The following CACNB4 variants were observed in gnomAD, a reference collection of about 807,000 sequenced individuals.
The protein encoded by CACNB4 is voltage-dependent L-type calcium channel subunit beta-4.
CACNB4 carries 32 observed loss-of-function variants against 71.2 expected under a neutral mutation model. That is an observed-to-expected ratio of 0.45 (90% confidence interval 0.34 to 0.60). CACNB4 has a LOEUF of 0.60. Among genes scored for constraint, CACNB4 ranks in the 20% least tolerant of loss-of-function variants. CACNB4 has a pLI of 0.01. For synonymous variants in CACNB4, 231 were observed against 236.9 expected (o/e 0.97, Z 0.23); for missense variants, 464 against 647.9 (o/e 0.72, Z 3.08).
chr2:151,952,656 C>T (rs1469241644), intron 2 of CACNB4, among the ~76,000 whole-genome samples: 5 of 152,188 alleles, frequency 3.3e-5, no homozygotes, highest in African/African-American at 1.2e-4. Flanking sequence ...TAGTCCAGAA[C>T]TTAATGGGCT....
chr2:152,089,933 G>T (rs1423174037), intron 2 of CACNB4, among the ~76,000 whole-genome samples: 1 of 152,128 alleles, frequency 6.6e-6, no homozygotes, highest in African/African-American at 2.4e-5. Flanking sequence ...GAAAGCAGAG[G>T]CCAAACACAG....
intron 2 of CACNB4, among the ~76,000 whole-genome samples, chr2:152,058,450 C>T (rs562912860): frequency 3.9e-4 from 59 of 152,234 alleles, no homozygotes; most frequent in Non-Finnish European, 7.9e-4. Context: ...GTGATATGGG[C>T]AGTGAAGTAT....
intron 2 of CACNB4, among the ~76,000 whole-genome samples, chr2:152,083,862 C>T (rs1383453527): frequency 6.6e-6 from 1 of 152,160 alleles, no homozygotes; most frequent in African/African-American, 2.4e-5. Context: ...CTCCTCTGTC[C>T]CAAGGATCCC....
At chr2:151,956,149 T>C (rs1041003100) in intron 2 of CACNB4, among the ~76,000 whole-genome samples, 3 of 152,228 alleles carry the variant, frequency 2.0e-5, no homozygotes, top group Admixed American at 1.3e-4. Context: ...GTATCTTCGA[T>C]ATACTTGTAG....
intron 2 of CACNB4, among the ~76,000 whole-genome samples, chr2:151,990,137 C>T (rs1045654337): frequency 2.6e-5 from 4 of 152,242 alleles, no homozygotes; most frequent in Admixed American, 1.3e-4. Context: ...TCCATGACAC[C>T]TCCCTTTCTT....
chr2:151,957,257 C>CGTGTTTGTGTGT (rs3068823), intron 2 of CACNB4, among the ~76,000 whole-genome samples: 1 of 131,788 alleles, frequency 7.6e-6, no homozygotes. Flanking sequence ...AGTGGCTGGG[C>CGTGTTTGTGTGT]GTGTGTGTGT....
intron 2 of CACNB4, among the ~76,000 whole-genome samples, chr2:152,023,022 A>G (rs1031035250): frequency 6.6e-6 from 1 of 152,110 alleles, no homozygotes; most frequent in Non-Finnish European, 1.5e-5. Context: ...ACAGTTCTGC[A>G]AGACTGGGAA....
At chr2:152,040,938 A>T (rs151218716) in intron 2 of CACNB4, among the ~76,000 whole-genome samples, 4 of 152,336 alleles carry the variant, frequency 2.6e-5, no homozygotes, top group South Asian at 4.1e-4. Context: ...CCACATAAAC[A>T]AAATTGCATT....
chr2:151,882,959 G>A, intron 3 of CACNB4: 1 of 403,780 alleles, frequency 2.5e-6, no homozygotes, highest in South Asian at 2.2e-5. Context: ...GCTGGTGCCT[G>A]GGGGGCTGTC....
intron 2 of CACNB4, among the ~76,000 whole-genome samples, chr2:152,009,007 C>G (rs994983741): frequency 6.6e-6 from 1 of 152,028 alleles, no homozygotes; most frequent in Non-Finnish European, 1.5e-5. Context: ...GCGCTTTTAA[C>G]CACCACCATC....
intron 2 of CACNB4, among the ~76,000 whole-genome samples, chr2:151,935,141 T>G (rs2099862604): frequency 6.6e-6 from 1 of 152,222 alleles, no homozygotes; most frequent in Non-Finnish European, 1.5e-5. Flanking sequence ...GAACCATTAG[T>G]ACTTCAAAAT....
intron 9 of CACNB4, 44 bp from the exon 10 acceptor site, chr2:151,860,864 A>T (rs1559881345): frequency 7.9e-7 from 1 of 1,258,134 alleles, no homozygotes. Context: ...TAAAAATGTT[A>T]TGGGGCTCTC....
At chr2:151,982,185 C>T (rs1452375988) in intron 2 of CACNB4, among the ~76,000 whole-genome samples, 1 of 152,150 alleles carries the variant, frequency 6.6e-6, no homozygotes, top group African/African-American at 2.4e-5. Flanking sequence ...TTAAGCCATT[C>T]CACCTTCAAT....
At chr2:152,055,009 G>C (rs575225839) in intron 2 of CACNB4, among the ~76,000 whole-genome samples, 10 of 152,110 alleles carry the variant, frequency 6.6e-5, no homozygotes, top group Non-Finnish European at 1.3e-4. Context: ...CCAGTCTGTG[G>C]GTTGTCTTCT....
In CACNB4 at chr2:151,950,196, G is replaced by A. The variant is rs1457010764; in HGVS notation, c.148-66826C>T. Among the ~76,000 whole-genome samples, 6 of 151,980 alleles carry A rather than the reference G, an allele frequency of 3.9e-5. No homozygotes were observed. The East Asian group carries it at 1.2e-3, about 29-fold the overall frequency. ...CATCCTAGTGGGAGATGGACCTGGG[G>A]AGACATTAAAAAAAACCTCTGCCCC... On this transcript the variant is annotated intron_variant, in intron 2 of 13. Transcript: ENST00000539935.
chr2:151,980,195 T>C (rs2099874472), intron 2 of CACNB4, among the ~76,000 whole-genome samples: 2 of 152,216 alleles, frequency 1.3e-5, no homozygotes, highest in South Asian at 4.1e-4. Flanking sequence ...TAGCACCTAA[T>C]ATTTCCTCTA....
chr2:151,958,561 G>A (rs566506722), intron 2 of CACNB4, among the ~76,000 whole-genome samples: 1 of 152,296 alleles, frequency 6.6e-6, no homozygotes, highest in South Asian at 2.1e-4. Flanking sequence ...CAACCGGTCA[G>A]TCACCTAAGC....
At chr2:152,087,509 TA>T (rs1270180234) in intron 2 of CACNB4, among the ~76,000 whole-genome samples, 1 of 147,752 alleles carries the variant, frequency 6.8e-6, no homozygotes, top group Non-Finnish European at 1.5e-5. Context: ...CCAAAATAAA[TA>T]AGAATATGAT....
At chr2:151,986,293 C>T (rs572496714) in intron 2 of CACNB4, among the ~76,000 whole-genome samples, 1 of 152,280 alleles carries the variant, frequency 6.6e-6, no homozygotes, top group East Asian at 1.9e-4. Context: ...ATATACCCAA[C>T]ACCTGGAGGA....
Sources: allele counts gnomAD v4.1 joint callset (sites outside exome capture counted in the v4.1 genomes callset), GRCh38; gene constraint gnomAD v4.1.1; transcripts MANE v1.5; gene names NCBI Gene and HGNC (gene_info 2026-07-23, HGNC 2026-07-21).